ERN1: variants seen among roughly 807,000 people sequenced by gnomAD.
The protein encoded by ERN1 is serine/threonine-protein kinase/endoribonuclease IRE1.
In ERN1, 39 loss-of-function variants were observed where a neutral mutation model predicts 113.1. The ratio of observed to expected loss-of-function variants is 0.34; its 90% confidence interval spans 0.27 to 0.45. The LOEUF (loss-of-function observed/expected upper bound fraction) is 0.45. Among genes scored for constraint, ERN1 ranks in the 20% least tolerant of loss-of-function variants. The pLI, the probability that ERN1 is intolerant of heterozygous loss-of-function variation, is 1.00. For missense variants in ERN1, 976 were observed against 1,274.8 expected, an observed-to-expected ratio of 0.77 and a Z score of 3.57; for synonymous variants, 507 against 515.9, an observed-to-expected ratio of 0.98 and a Z score of 0.23.
chr17:64,123,217 C>A (rs1914995996), intron 1 of ERN1, among the ~76,000 whole-genome samples: 1 of 152,088 alleles, frequency 6.6e-6, no homozygotes, highest in Non-Finnish European at 1.5e-5. Context: ...ACCGACCATA[C>A]AAAGAATCTT....
intron 2 of ERN1, among the ~76,000 whole-genome samples, chr17:64,094,626 C>CTTTT (rs58195537): frequency 6.6e-5 from 9 of 136,432 alleles, no homozygotes; most frequent in African/African-American, 2.2e-4. Context: ...CCCATCCTTT[C>CTTTT]TTTTTTTTTT....
intron 8 of ERN1, among the ~76,000 whole-genome samples, chr17:64,065,580 G>A (rs562843107): frequency 4.6e-5 from 7 of 152,194 alleles, no homozygotes; most frequent in South Asian, 4.2e-4. Flanking sequence ...AAAGGACTAC[G>A]CCCAGTGGCC....
chr17:64,071,514 C>T (rs1913416474), intron 6 of ERN1, among the ~76,000 whole-genome samples: 1 of 152,042 alleles, frequency 6.6e-6, no homozygotes, highest in Admixed American at 6.5e-5. Context: ...TCCACCTCCC[C>T]AGTTCAGGCA....
chr17:64,065,787 G>A (rs1399684170), intron 8 of ERN1, among the ~76,000 whole-genome samples: 1 of 152,152 alleles, frequency 6.6e-6, no homozygotes, highest in Non-Finnish European at 1.5e-5. Flanking sequence ...GAGAGCAAAA[G>A]GGATGCATAA....
At chr17:64,123,852 T>C (rs1210259981) in intron 1 of ERN1, among the ~76,000 whole-genome samples, 1 of 152,202 alleles carries the variant, frequency 6.6e-6, no homozygotes, top group Non-Finnish European at 1.5e-5. Flanking sequence ...GTACATCCAT[T>C]CCATTCAGAG....
In ERN1 at chr17:64,099,247, A is replaced by G. The variant is rs888111726; in HGVS notation, c.55-1006T>C. ...TTAAATATAGAATCCAAGATTTGAT[A>G]TCCACTGTGGTTACAATTATACTGG... is the stretch of plus-strand genomic sequence containing the variant. On this transcript the variant is annotated intron_variant, in intron 1 of 21. Transcript: ENST00000433197. Among the ~76,000 whole-genome samples, 6 of 151,816 alleles carry G rather than the reference A, an allele frequency of 4.0e-5. No individual in the cohort carries two copies. In the South Asian group the frequency reaches 1.0e-3, roughly 26 times the overall value.
chr17:64,049,562 T>C lies in ERN1; in HGVS notation c.2254-360A>G, dbSNP rs1426300173. The stretch of plus-strand genomic sequence containing the variant: ...GCCCTCCTGGCTGTTATATATTCCT[T>C]ACCCCCAACACGAAAGTGCTCACAG... On this transcript the variant is annotated intron_variant, in intron 17 of 21. Coordinates refer to ENST00000433197, the MANE Select transcript of ERN1 (RefSeq NM_001433.5). This position sits in a 1 kb window ranked among gnomAD's most constrained non-coding sequence, Gnocchi z 4.7. Among the ~76,000 whole-genome samples the C allele has an allele frequency of 2.0e-5, 3 of 152,176 alleles. No homozygotes were observed. The highest frequency in any genetic ancestry group is 4.4e-5 in the Non-Finnish European group (3 of 68,034).
chr17:64,079,545 C>T (rs2143409017), intron 4 of ERN1, 117 bp downstream of exon 4: 1 of 736,314 alleles, frequency 1.4e-6, no homozygotes, highest in East Asian at 2.7e-5. Context: ...AATCAGAATC[C>T]CCAGGGGTTG....
chr17:64,052,068 A>G (rs925276938), intron 17 of ERN1, among the ~76,000 whole-genome samples: 1 of 152,232 alleles, frequency 6.6e-6, no homozygotes, highest in African/African-American at 2.4e-5. Context: ...ACAGGTATTC[A>G]TGTTAACATT....
At chr17:64,057,647 C>T (rs1912915305) in intron 12 of ERN1, among the ~76,000 whole-genome samples, 155 bp downstream of exon 12, 1 of 152,196 alleles carries the variant, frequency 6.6e-6, no homozygotes, top group Non-Finnish European at 1.5e-5. Flanking sequence ...GGATTACAGG[C>T]GTGAGCCACT....
intron 10 of ERN1, 84 bp from the exon 11 acceptor site, chr17:64,060,671 A>G: frequency 1.1e-6 from 1 of 941,128 alleles, no homozygotes; most frequent in Non-Finnish European, 1.7e-6. Flanking sequence ...AACAGGTGCT[A>G]CCCACTGAGG....
At chr17:64,092,122 G>C (rs1053085854) in intron 2 of ERN1, among the ~76,000 whole-genome samples, 1 of 152,136 alleles carries the variant, frequency 6.6e-6, no homozygotes, top group Non-Finnish European at 1.5e-5. Flanking sequence ...GTGGTCAGGA[G>C]GCTGCTGCAT....
Position 64,119,376 on chromosome 17 carries a change from G to GTTGTTTTTTTTT in ERN1, c.54+10599_54+10600insAAAAAAAAACAA, listed in dbSNP as rs777806993. Among the ~76,000 whole-genome samples, 29 of 77,906 alleles carry GTTGTTTTTTTTT rather than the reference G, an allele frequency of 3.7e-4. 1 individual carries two copies. The highest frequency in any genetic ancestry group is 8.3e-3 in the Middle Eastern group (1 of 120). The allele number at this position is 77,906 out of a possible 152,430, so 51.1% of individuals were successfully genotyped here. ...TAATATTAGGTTCCTTTTTTTCTAG[G>GTTGTTTTTTTTT]TTTTTTTTTTTTTTTTTTTTTTTTT... On this transcript the variant is annotated intron_variant, in intron 1 of 21. Transcript: ENST00000433197.
chr17:64,090,697 G>GT, intron 2 of ERN1, among the ~76,000 whole-genome samples: 1 of 152,180 alleles, frequency 6.6e-6, no homozygotes. Flanking sequence ...GCTACTACGT[G>GT]TGTGGCAGCT....
At chr17:64,111,626 G>A (rs1296161359) in intron 1 of ERN1, among the ~76,000 whole-genome samples, 1 of 152,182 alleles carries the variant, frequency 6.6e-6, no homozygotes, top group African/African-American at 2.4e-5. Flanking sequence ...CAAAGTGCTG[G>A]GATTACAGGC....
In ERN1 at chr17:64,044,319, A is replaced by G. The variant is rs1434929824; in HGVS notation, c.2722-119T>C. 3 of 691,902 alleles carry G rather than the reference A, an allele frequency of 4.3e-6. No individual in the cohort carries two copies. In the Admixed American group the frequency reaches 1.1e-4, roughly 25 times the overall value. The allele number at this position is 691,902 out of a possible 1,614,324, so 42.9% of individuals were successfully genotyped here. ...AGAATGTGAGTGTTGGTTTTTGGTAAAGAAAAAGAAAAAAGGCTTATGTAT... is the reference window on the plus strand; with the variant it reads ...AGAATGTGAGTGTTGGTTTTTGGTAGAGAAAAAGAAAAAAGGCTTATGTAT... On this transcript the variant is annotated intron_variant, in intron 21 of 21. Coordinates refer to ENST00000433197, the MANE Select transcript of ERN1 (RefSeq NM_001433.5). The surrounding 1 kb of genome is among the most constrained non-coding windows in gnomAD (Gnocchi z 4.1).
At chr17:64,086,771 C>A (rs1400528543) in intron 2 of ERN1, among the ~76,000 whole-genome samples, 1 of 150,708 alleles carries the variant, frequency 6.6e-6, no homozygotes, top group Non-Finnish European at 1.5e-5. Flanking sequence ...CTCAGCCTAC[C>A]GAGTAGCTGG....
At chr17:64,085,469 C>T (rs111425817) in intron 2 of ERN1, among the ~76,000 whole-genome samples, 6,176 of 152,186 alleles carry the variant, frequency 0.041, 444 homozygotes, top group African/African-American at 0.14. Flanking sequence ...ATGAGGACAG[C>T]GCCAAGCCAT....
At chr17:64,075,094 C>T in intron 5 of ERN1, 81 bp downstream of exon 5, 1 of 1,144,978 alleles carries the variant, frequency 8.7e-7, no homozygotes, top group Non-Finnish European at 1.3e-6. Context: ...GTGACTGCGC[C>T]CTCTCTCTCC....
Sources: gnomAD v4.1 joint callset for allele counts (sites outside exome capture counted in the v4.1 genomes callset) on GRCh38, gnomAD v4.1.1 for gene constraint, Gnocchi (gnomAD v3.1) non-coding constraint, MANE v1.5 for transcripts, NCBI Gene and HGNC (gene_info 2026-07-23, HGNC 2026-07-21) for gene names.